The following EGFR variants were observed in gnomAD, a reference collection of about 807,000 sequenced individuals.
The protein encoded by EGFR is avian erythroblastic leukemia viral (v-erb-b) oncogene homolog.
In EGFR, 58 loss-of-function variants were observed where a neutral mutation model predicts 143.0. The observed-to-expected ratio is 0.41, with a 90% CI of 0.33 to 0.50. The LOEUF (loss-of-function observed/expected upper bound fraction) is 0.50. Among genes scored for constraint, EGFR ranks in the 20% least tolerant of loss-of-function variants. EGFR has a pLI of 0.39. For synonymous variants in EGFR, 613 were observed against 594.4 expected (o/e 1.03, Z -0.45); for missense variants, 1,307 against 1,579.0 (o/e 0.83, Z 2.92).
intron 1 of EGFR, among the ~76,000 whole-genome samples, chr7:55,115,042 G>C (rs187373810): frequency 4.6e-5 from 7 of 151,614 alleles, no homozygotes; most frequent in Admixed American, 3.9e-4. Flanking sequence ...CCACCGCGCC[G>C]GGCTAATTTT....
At chr7:55,145,491 C>A (rs1453099924) in intron 3 of EGFR, among the ~76,000 whole-genome samples, 1 of 152,220 alleles carries the variant, frequency 6.6e-6, no homozygotes, top group East Asian at 1.9e-4. Flanking sequence ...GGTCTCCTGT[C>A]TGCAGGAAGC....
At chr7:55,202,731 A>C (rs1307665011) in intron 27 of EGFR, 106 bp downstream of exon 27, 1 of 1,016,164 alleles carries the variant, frequency 9.8e-7, no homozygotes, top group East Asian at 2.6e-5. Flanking sequence ...GCATCTCCAG[A>C]GGGGGAAACA....
intron 15 of EGFR, chr7:55,170,307 G>A: frequency 6.2e-7 from 1 of 1,614,150 alleles, no homozygotes. Context: ...CTTTCTCCAG[G>A]CCAGGAAATG....
Position 55,201,204 on chromosome 7 carries a change from A to G in EGFR, c.2963A>G (p.His988Arg), listed in dbSNP as rs17290699. 22 of 1,614,068 alleles carry G rather than the reference A, an allele frequency of 1.4e-5. No homozygotes were observed. The highest frequency in any genetic ancestry group is 1.6e-4 in the Middle Eastern group (1 of 6,084). The change falls in exon 25 of 28, where the codon CAT (histidine) becomes CGT (arginine). Residue 988 changes from histidine to arginine, a missense_variant. By Grantham distance (29) the His-to-Arg change is conservative. Transcript: ENST00000275493. The stretch of plus-strand genomic sequence containing the variant: ...CTGCACCAGGGGGATGAAAGAATGC[A>G]TTTGCCAAGTCCTACAGACTCCAAC... ...YLVIQGDERM[H>R]LPSPTDSNFY...
rs1786843426 is a variant in EGFR, at chr7:55,181,099, C to A, written c.2284-194C>A. 4.4e-6 allele frequency: 3 copies of A among 684,522 alleles called. No homozygotes were observed. The South Asian group carries it at 5.4e-5, about 12-fold the overall frequency. The allele number at this position is 684,522 out of a possible 1,614,324, so 42.4% of individuals were successfully genotyped here. A position where few individuals can be genotyped will look rare whatever the true frequency, so the allele number is the denominator to read the frequency against. On this transcript the variant is annotated intron_variant, in intron 19 of 27. Transcript: ENST00000275493. ...GATGCACCCAGGAGGGGCCCTCTCC[C>A]ACTGCATCTGTCACTTCACAGCCCT...
Position 55,157,649 on chromosome 7 carries a change from C to G in EGFR, c.1208-14C>G, listed in dbSNP as rs1322618081. ...TACGTGGTGTGTGTCTGAAGTCTTT[C>G]ATCTGCCTTACAGGGTTTTTGCTGA... On this transcript the variant is annotated splice_polypyrimidine_tract_variant and intron_variant, in intron 10 of 27. Transcript: ENST00000275493. The G allele has an allele frequency of 6.2e-7, 1 of 1,613,372 alleles. No homozygotes were observed. The highest frequency in any genetic ancestry group is 8.5e-7 in the Non-Finnish European group (1 of 1,179,256).
intron 4 of EGFR, among the ~76,000 whole-genome samples, chr7:55,149,386 TAC>T (rs369475921): frequency 7.3e-4 from 110 of 151,080 alleles, no homozygotes; most frequent in Non-Finnish European, 1.4e-3. Flanking sequence ...CACGCACACA[TAC>T]ACACACACAC....
At chr7:55,027,975 TAAAAA>T (rs5884397) in intron 1 of EGFR, among the ~76,000 whole-genome samples, 62 of 81,596 alleles carry the variant, frequency 7.6e-4, no homozygotes, top group African/African-American at 2.4e-3. Context: ...TGCCTTTATG[TAAAAA>T]AAAAAAAAAA....
At chr7:55,141,805 A>T (rs1247389862) in intron 1 of EGFR, among the ~76,000 whole-genome samples, 1 of 152,190 alleles carries the variant, frequency 6.6e-6, no homozygotes, top group African/African-American at 2.4e-5. Flanking sequence ...AGAAGTAAAA[A>T]GTTCATTATA....
At chr7:55,157,610 A>AAAAAAG (rs1491558880) in intron 10 of EGFR, 53 bp from the exon 11 acceptor site, 4 of 1,505,832 alleles carry the variant, frequency 2.7e-6, no homozygotes, top group Non-Finnish European at 3.7e-6. Context: ...TGTCTCATAC[A>AAAAAAG]AAAAAGAAAC....
chr7:55,115,691 T>TA (rs748353960), intron 1 of EGFR, among the ~76,000 whole-genome samples: 1 of 152,070 alleles, frequency 6.6e-6, no homozygotes, highest in Non-Finnish European at 1.5e-5. Context: ...CCCAGTGACT[T>TA]ACCTATGCAG....
Position 55,165,192 on chromosome 7 carries a change from C to T in EGFR, c.1723-88C>T, listed in dbSNP as rs17336926. 1.5e-3 allele frequency: 2,452 copies of T among 1,592,734 alleles called. 44 individuals carry two copies. The African/African-American group carries it at 0.028, about 18-fold the overall frequency. On this transcript the variant is annotated intron_variant, in intron 14 of 27. Transcript: ENST00000275493. ...TCATTTGGCTTTCCCCACTCACACA[C>T]ACTAAATATTTTAAGTAAAAAGTTA...
intron 1 of EGFR, among the ~76,000 whole-genome samples, chr7:55,121,995 T>A (rs1242983553): frequency 6.6e-6 from 1 of 152,170 alleles, no homozygotes; most frequent in Non-Finnish European, 1.5e-5. Context: ...TTCTTCACTA[T>A]CCAAAAAGAC....
Position 55,173,571 on chromosome 7 carries a change from G to A in EGFR, c.2062-350G>A, listed in dbSNP as rs117220443. 4.4e-3 allele frequency among the ~76,000 whole-genome samples: 665 copies of A among 152,356 alleles called. 2 individuals are homozygous for A. Among genetic ancestry groups the A allele is most frequent in the Middle Eastern group, 0.024 (7 of 294 alleles). On this transcript the variant is annotated intron_variant, in intron 17 of 27. Transcript: ENST00000275493. ...GAAAGAGCAACCCAGCGGCTCATAA[G>A]CATAAGCGCGTGTGATGTGCCCCAA...
chr7:55,095,166 G>A (rs1053250850), intron 1 of EGFR, among the ~76,000 whole-genome samples: 2 of 152,344 alleles, frequency 1.3e-5, no homozygotes, highest in African/African-American at 4.8e-5. Flanking sequence ...TGGAAAAGCT[G>A]CAGGTCCCGC....
rs566748655 is a variant in EGFR, at chr7:55,166,925, G to A, written c.1880+1488G>A. On this transcript the variant is annotated intron_variant, in intron 15 of 27. Coordinates refer to ENST00000275493, the MANE Select transcript of EGFR (RefSeq NM_005228.5). ...AGGTGAGAGTCACAATGTTGGTGGT[G>A]TTGATGGTGGTGATGGTGATGAGGA... Among the ~76,000 whole-genome samples, 164 of 138,526 alleles carry A rather than the reference G, an allele frequency of 1.2e-3. 12 individuals carry two copies. The highest frequency in any genetic ancestry group is 1.5e-3 in the Non-Finnish European group (100 of 64,884). 90.9% of individuals were successfully genotyped at this position (138,526 alleles called of 152,430 possible).
At chr7:55,195,424 GT>G (rs1278768703) in intron 22 of EGFR, among the ~76,000 whole-genome samples, 2 of 152,142 alleles carry the variant, frequency 1.3e-5, no homozygotes, top group Admixed American at 1.3e-4. Flanking sequence ...CATCATAGTT[GT>G]TTGATTTTGA....
intron 20 of EGFR, among the ~76,000 whole-genome samples, chr7:55,188,597 G>A (rs1787247374): frequency 6.6e-6 from 1 of 152,100 alleles, no homozygotes; most frequent in Non-Finnish European, 1.5e-5. Context: ...AGCAGGAACT[G>A]AGTTTCCTGA....
chr7:55,061,334 G>A (rs1443800699), intron 1 of EGFR, among the ~76,000 whole-genome samples: 2 of 152,164 alleles, frequency 1.3e-5, no homozygotes, highest in East Asian at 1.9e-4. Context: ...TTGTCCAAAT[G>A]TGGGTAGCTT....
Sources: gnomAD v4.1 joint callset for allele counts (sites outside exome capture counted in the v4.1 genomes callset) on GRCh38, gnomAD v4.1.1 for gene constraint, MANE v1.5 for transcripts, NCBI Gene and HGNC (gene_info 2026-07-23, HGNC 2026-07-21) for gene names.